PPARG: variants seen among roughly 807,000 people sequenced by gnomAD.
The protein encoded by PPARG is peroxisome proliferator-activated receptor gamma.
Under a neutral mutation model 39.2 loss-of-function variants are expected in PPARG, and 17 were observed. The observed-to-expected ratio is 0.43, with a 90% confidence interval of 0.30 to 0.65. The LOEUF (loss-of-function observed/expected upper bound fraction) is 0.65. PPARG is among the 30% of genes least tolerant of loss of function. The probability of loss-of-function intolerance (pLI) is 0.13; values close to 1 mark genes in which losing one functional copy is unlikely to be tolerated. For missense variants in PPARG, 406 were observed against 585.9 expected, an observed-to-expected ratio of 0.69 and a Z score of 3.17; for synonymous variants, 223 against 215.7, an observed-to-expected ratio of 1.03 and a Z score of -0.30.
rs541773761 is a variant in PPARG, at chr3:12,338,561, C to T, written c.-9+26108C>T. Among the ~76,000 whole-genome samples, 28 of 152,260 alleles carry T rather than the reference C, an allele frequency of 1.8e-4. 1 individual carries two copies. In the South Asian group the frequency reaches 5.4e-3, roughly 29 times the overall value. ...TGTTTATAGCTCTTATATATTTACA[C>T]AACCAAAATAAATTTTAAAATAAGT... On this transcript the variant is annotated intron_variant, in intron 2 of 7. Coordinates refer to ENST00000651735, the MANE Select transcript of PPARG (RefSeq NM_138711.6).
intron 1 of PPARG, among the ~76,000 whole-genome samples, chr3:12,306,148 G>T (rs2047057391): frequency 6.6e-6 from 1 of 152,164 alleles, no homozygotes; most frequent in African/African-American, 2.4e-5. Context: ...ATGGTTTCAG[G>T]ATGAAACTGT....
chr3:12,392,528 C>A, intron 4 of PPARG, 86 bp from the exon 5 acceptor site: 1 of 1,499,186 alleles, frequency 6.7e-7, no homozygotes, highest in Non-Finnish European at 9.2e-7. Flanking sequence ...TTTTCTGATT[C>A]CCAGGCCAGT....
chr3:12,305,590 A>T (rs2047040833), intron 1 of PPARG, among the ~76,000 whole-genome samples: 1 of 152,220 alleles, frequency 6.6e-6, no homozygotes, highest in South Asian at 2.1e-4. Flanking sequence ...ATGTGCAGTC[A>T]TACAAGAGCT....
chr3:12,408,567 C>CTTTTTTTT (rs397945616), intron 6 of PPARG, among the ~76,000 whole-genome samples: 3 of 113,264 alleles, frequency 2.6e-5, no homozygotes, highest in African/African-American at 7.3e-5. Context: ...CTTTTCTTTT[C>CTTTTTTTT]TTTTTTTTTT....
At chr3:12,326,853 C>T (rs1039764795) in intron 2 of PPARG, among the ~76,000 whole-genome samples, 1 of 152,076 alleles carries the variant, frequency 6.6e-6, no homozygotes, top group African/African-American at 2.4e-5. Flanking sequence ...CGGCCATAGA[C>T]GACAACCAAG....
At chr3:12,376,890 A>G (rs538329158) in intron 2 of PPARG, among the ~76,000 whole-genome samples, 6 of 152,180 alleles carry the variant, frequency 3.9e-5, no homozygotes, top group Non-Finnish European at 5.9e-5. Flanking sequence ...CTATGATTTG[A>G]TGAATCCTGG....
intron 2 of PPARG, among the ~76,000 whole-genome samples, chr3:12,335,518 T>G (rs1193249239): frequency 1.3e-5 from 2 of 152,200 alleles, no homozygotes; most frequent in Non-Finnish European, 2.9e-5. Context: ...AATACACAAA[T>G]TGACTATTGT....
At chr3:12,319,940 C>CT (rs1036624559) in intron 2 of PPARG, among the ~76,000 whole-genome samples, 6 of 152,094 alleles carry the variant, frequency 3.9e-5, no homozygotes, top group African/African-American at 1.4e-4. Flanking sequence ...ATTGCCTTGA[C>CT]TTTTTTATCT....
At chr3:12,404,642 A>G (rs1024737945) in intron 5 of PPARG, among the ~76,000 whole-genome samples, 5 of 152,122 alleles carry the variant, frequency 3.3e-5, no homozygotes, top group Non-Finnish European at 5.9e-5. Context: ...TGTCTCTACT[A>G]AAAATACAAA....
intron 2 of PPARG, among the ~76,000 whole-genome samples, chr3:12,368,404 A>G (rs2049095731): frequency 1.3e-5 from 2 of 150,958 alleles, no homozygotes; most frequent in South Asian, 4.2e-4. Flanking sequence ...CTGGTCTCGA[A>G]CTCCTGACCT....
intron 2 of PPARG, chr3:12,328,069 T>G (rs1445698177): frequency 1.3e-6 from 2 of 1,489,216 alleles, no homozygotes; most frequent in Non-Finnish European, 1.9e-6. Context: ...GATCATGACT[T>G]TGGTAGATGA....
At chr3:12,368,538 A>T (rs1373809748) in intron 2 of PPARG, among the ~76,000 whole-genome samples, 1 of 152,182 alleles carries the variant, frequency 6.6e-6, no homozygotes, top group Non-Finnish European at 1.5e-5. Context: ...ATTCAGAGAA[A>T]CCATGACAGA....
intron 2 of PPARG, among the ~76,000 whole-genome samples, chr3:12,324,891 T>C (rs1032264423): frequency 6.6e-6 from 1 of 152,190 alleles, no homozygotes; most frequent in African/African-American, 2.4e-5. Context: ...TGCTCTCTAC[T>C]GTGTCCTCAG....
intron 1 of PPARG, among the ~76,000 whole-genome samples, chr3:12,311,860 G>GT (rs2047255749): frequency 6.6e-6 from 1 of 152,174 alleles, no homozygotes; most frequent in Non-Finnish European, 1.5e-5. Flanking sequence ...TGCCTAAGTG[G>GT]TGTGGCACAC....
At chr3:12,303,277 A>G (rs1202913018) in intron 1 of PPARG, among the ~76,000 whole-genome samples, 4 of 150,972 alleles carry the variant, frequency 2.6e-5, no homozygotes, top group Non-Finnish European at 5.9e-5. Context: ...ACTCACTGAA[A>G]CCTCCGCTTC....
chr3:12,324,390 G>A (rs572009361), intron 2 of PPARG, among the ~76,000 whole-genome samples: 6 of 152,224 alleles, frequency 3.9e-5, no homozygotes, highest in South Asian at 4.1e-4. Context: ...CTGCTGTGCC[G>A]GGGGGATAAG....
At chr3:12,371,889 T>C (rs1409063766) in intron 2 of PPARG, 2 of 704,908 alleles carry the variant, frequency 2.8e-6, no homozygotes, top group Admixed American at 4.0e-5. Context: ...GTCGCTGTCA[T>C]GATGGGAGAG....
At chr3:12,344,092 C>G (rs1169701785) in intron 2 of PPARG, among the ~76,000 whole-genome samples, 1 of 151,880 alleles carries the variant, frequency 6.6e-6, no homozygotes, top group East Asian at 1.9e-4. Context: ...AACTCCTGAC[C>G]TCAGGTGATC....
At chr3:12,380,239 G>T (rs913937834) in intron 3 of PPARG, among the ~76,000 whole-genome samples, 2 of 151,700 alleles carry the variant, frequency 1.3e-5, no homozygotes, top group African/African-American at 2.4e-5. Context: ...CAGGCTAAGA[G>T]TCCATCATCC....
Sources: gnomAD v4.1 joint callset for allele counts (sites outside exome capture counted in the v4.1 genomes callset) on GRCh38, gnomAD v4.1.1 for gene constraint, MANE v1.5 for transcripts, NCBI Gene and HGNC (gene_info 2026-07-23, HGNC 2026-07-21) for gene names.